Variants in EPB41 observed in about 807,000 individuals in gnomAD.
EPB41 encodes protein 4.1.
EPB41 carries 65 observed loss-of-function variants against 108.0 expected under a neutral mutation model. The observed-to-expected ratio is 0.60, with a 90% CI of 0.49 to 0.74. The LOEUF is 0.74. Among genes scored for constraint, EPB41 ranks in the 30% least tolerant of loss-of-function variants. The probability of loss-of-function intolerance (pLI) is 0.00; values close to 1 mark genes in which losing one functional copy is unlikely to be tolerated. For synonymous variants in EPB41, 336 were observed against 358.9 expected (o/e 0.94, Z 0.72); for missense variants, 875 against 1,037.0 (o/e 0.84, Z 2.15).
intron 6 of EPB41, among the ~76,000 whole-genome samples, chr1:29,017,829 G>GT (rs1035406491): frequency 3.9e-4 from 60 of 151,938 alleles, no homozygotes; most frequent in Non-Finnish European, 7.7e-4. Flanking sequence ...TACCTCACAA[G>GT]TTTTTTTTAT....
At position 28,997,288 on chromosome 1, in the gene EPB41, G is replaced by A. The variant is rs780730982; in HGVS notation, c.755G>A (p.Gly252Asp). 6 of 1,613,876 alleles carry A rather than the reference G, an allele frequency of 3.7e-6. No individual in the cohort carries two copies. In the Admixed American group the frequency reaches 1.0e-4, roughly 27 times the overall value. Residue 252 changes from glycine (G) to aspartate (D), a missense_variant, in exon 4 of 21, where the codon GGT becomes GAT. Physicochemically the swap from Gly to Asp is moderately conservative, Grantham distance 94. Around this residue, in one of 3 missense-constraint regions of EPB41, gnomAD observed 353 missense variants for 393.2 expected, o/e 0.90. Transcript: ENST00000343067. ...AATCTTTTGGAAGAAGACTATTTTG[G>A]TCTAGCCATTTGGGATAACGCAACC... ...HLNLLEEDYF[G>D]LAIWDNATSK...
chr1:28,913,591 A>G (rs1057348774), upstream of EPB41, among the ~76,000 whole-genome samples: 10 of 152,354 alleles, frequency 6.6e-5, no homozygotes, highest in African/African-American at 2.4e-4. Flanking sequence ...GCTGGCATCT[A>G]CAGACTCTGC....
chr1:28,940,284 G>A lies in EPB41; in HGVS notation c.-8+25516G>A, dbSNP rs575710938. Among the ~76,000 whole-genome samples the A allele has an allele frequency of 7.2e-5, 11 of 152,320 alleles. No homozygotes were observed. In the South Asian group the frequency reaches 1.9e-3, roughly 26 times the overall value. ...TTAGATAACTAACGTTAAAATATAC[G>A]AAATCAGATAGTAAAGTGTTTCTTG... On this transcript the variant is annotated intron_variant, in intron 1 of 20. Coordinates refer to ENST00000343067, the MANE Select transcript of EPB41 (RefSeq NM_001376013.1).
intron 7 of EPB41, among the ~76,000 whole-genome samples, chr1:29,029,743 A>G (rs2096765397): frequency 6.6e-6 from 1 of 152,240 alleles, no homozygotes; most frequent in Non-Finnish European, 1.5e-5. Context: ...AATTCATTAT[A>G]TGCCTGGTAA....
chr1:29,013,835 T>A (rs1019202137), intron 5 of EPB41, among the ~76,000 whole-genome samples: 1 of 16,854 alleles, frequency 5.9e-5, no homozygotes, highest in African/African-American at 2.1e-4. Flanking sequence ...AGCCCTTAAG[T>A]TTTTTTTTTT....
chr1:28,948,611 C>T (rs2094579710), intron 1 of EPB41, among the ~76,000 whole-genome samples: 1 of 151,676 alleles, frequency 6.6e-6, no homozygotes, highest in African/African-American at 2.4e-5. Context: ...GCTTAGTATC[C>T]TTTTACGCTA....
intron 1 of EPB41, among the ~76,000 whole-genome samples, chr1:28,926,058 T>TA (rs1040160415): frequency 1.4e-5 from 2 of 146,466 alleles, no homozygotes; most frequent in African/African-American, 2.6e-5. Context: ...CAAAAAAAAA[T>TA]TATAGGCCAG....
intron 1 of EPB41, among the ~76,000 whole-genome samples, chr1:28,956,233 G>A (rs1364346253): frequency 6.6e-6 from 1 of 152,132 alleles, no homozygotes; most frequent in Non-Finnish European, 1.5e-5. Context: ...GTCATTGTGC[G>A]GTAGGCTGTT....
chr1:28,959,607 C>G (rs527889451), intron 1 of EPB41, among the ~76,000 whole-genome samples: 1 of 152,158 alleles, frequency 6.6e-6, no homozygotes, highest in South Asian at 2.1e-4. Flanking sequence ...ACATTTATAG[C>G]AGGAGGGACT....
intron 4 of EPB41, among the ~76,000 whole-genome samples, chr1:29,001,092 C>T (rs2096284896): frequency 6.6e-6 from 1 of 151,966 alleles, no homozygotes; most frequent in African/African-American, 2.4e-5. Flanking sequence ...AATCCCAGCA[C>T]TTTGGGAGGC....
At chr1:28,894,175 A>G (rs1344419935) in intron 1 of EPB41, among the ~76,000 whole-genome samples, 1 of 152,150 alleles carries the variant, frequency 6.6e-6, no homozygotes, top group African/African-American at 2.4e-5. Flanking sequence ...ACACAAGTAT[A>G]TTTGTTCTTT....
intron 16 of EPB41, among the ~76,000 whole-genome samples, chr1:29,085,810 C>T (rs974487595): frequency 1.3e-5 from 2 of 152,142 alleles, no homozygotes; most frequent in Non-Finnish European, 2.9e-5. Flanking sequence ...CCTCGTCCTC[C>T]CAAAGTGCTG....
intron 17 of EPB41, among the ~76,000 whole-genome samples, chr1:29,103,958 C>T (rs1271430643): frequency 6.6e-6 from 1 of 152,174 alleles, no homozygotes; most frequent in East Asian, 1.9e-4. Context: ...TGATCCACTG[C>T]TCCCGGCCCA....
chr1:29,011,743 A>G, intron 4 of EPB41, 122 bp from the exon 5 acceptor site: 2 of 1,063,356 alleles, frequency 1.9e-6, no homozygotes, highest in Non-Finnish European at 2.8e-6. Flanking sequence ...TGCAAAGACT[A>G]TCAAAGGAAA....
In EPB41 at chr1:29,018,327, C is replaced by A. The variant is rs368085650; in HGVS notation, c.1009C>A (p.Leu337Met). Reference sequence around the variant, plus strand: ...AGGTTCTTACACCATCCAGTCTGAACTGGGAGACTACGACCCAGAACTCCA... The same window carrying A: ...AGGTTCTTACACCATCCAGTCTGAAATGGGAGACTACGACCCAGAACTCCA... ...LLGSYTIQSELGDYDPELHGV... is the reference protein window; with the variant it reads ...LLGSYTIQSEMGDYDPELHGV... Residue 337 changes from leucine (L) to methionine (M), a missense_variant, in exon 7 of 21, where the codon CTG becomes ATG. Around this residue, in one of 3 missense-constraint regions of EPB41, gnomAD observed 353 missense variants for 393.2 expected, o/e 0.90. Coordinates refer to ENST00000343067, the MANE Select transcript of EPB41 (RefSeq NM_001376013.1). The surrounding 1 kb of genome is among the most constrained non-coding windows in gnomAD (Gnocchi z 4.4). 2 of 1,614,048 alleles carry A rather than the reference C, an allele frequency of 1.2e-6. No homozygotes were observed. Among genetic ancestry groups the A allele is most frequent in the African/African-American group, 2.7e-5 (2 of 74,908 alleles).
intron 16 of EPB41, among the ~76,000 whole-genome samples, chr1:29,076,509 G>A (rs571210790): frequency 6.6e-6 from 1 of 152,250 alleles, no homozygotes; most frequent in South Asian, 2.1e-4. Flanking sequence ...CACTACCAAA[G>A]CCTGCATTCT....
intron 1 of EPB41, among the ~76,000 whole-genome samples, chr1:28,919,958 G>T (rs2092957227): frequency 6.6e-6 from 1 of 152,154 alleles, no homozygotes; most frequent in African/African-American, 2.4e-5. Context: ...TTCCGTAGCT[G>T]ATGACTCTTT....
upstream of EPB41, among the ~76,000 whole-genome samples, chr1:28,912,739 C>T (rs572796772): frequency 3.3e-5 from 5 of 152,100 alleles, no homozygotes; most frequent in South Asian, 8.3e-4. Context: ...GCCTCAACCT[C>T]CGAGAATAAC....
intron 1 of EPB41, among the ~76,000 whole-genome samples, chr1:28,960,580 A>C (rs1322728575): frequency 6.6e-6 from 1 of 150,932 alleles, no homozygotes; most frequent in African/African-American, 2.4e-5. Flanking sequence ...AAAAAAAAAA[A>C]AACTTAAAAA....
Sources: allele counts gnomAD v4.1 joint callset (sites outside exome capture counted in the v4.1 genomes callset), GRCh38; gene constraint gnomAD v4.1.1; regional missense constraint gnomAD v4.1.1; non-coding constraint Gnocchi (gnomAD v3.1); transcripts MANE v1.5; gene names NCBI Gene and HGNC (gene_info 2026-07-23, HGNC 2026-07-21).